The following CDH18 variants were observed in gnomAD, a reference collection of about 807,000 sequenced individuals.
CDH18 encodes cadherin 18, also known as cadherin-18.
In CDH18, 31 loss-of-function variants were observed where a neutral mutation model predicts 67.9. The ratio of observed to expected loss-of-function variants is 0.46; its 90% CI spans 0.34 to 0.62. The LOEUF (loss-of-function observed/expected upper bound fraction) is 0.62, where lower values mean the gene tolerates loss of function less well. Among genes scored for constraint, CDH18 ranks in the 20% least tolerant of loss-of-function variants. CDH18 has a pLI of 0.01. For missense variants in CDH18, 890 were observed against 975.5 expected, an observed-to-expected ratio of 0.91 and a Z score of 1.17; for synonymous variants, 362 against 347.2, an observed-to-expected ratio of 1.04 and a Z score of -0.48.
intron 2 of CDH18, among the ~76,000 whole-genome samples, chr5:20,195,695 T>G (rs960066119): frequency 1.3e-5 from 2 of 152,088 alleles, no homozygotes; most frequent in Non-Finnish European, 2.9e-5. Context: ...TGATATACTT[T>G]TAGATTTTGA....
chr5:20,208,848 A>G (rs1307775391), intron 2 of CDH18, among the ~76,000 whole-genome samples: 4 of 152,126 alleles, frequency 2.6e-5, no homozygotes, highest in African/African-American at 4.8e-5. Flanking sequence ...TAACCAGAAT[A>G]TATAAAGAAT....
At chr5:20,358,932 CTTTTTT>C (rs66786530) in intron 1 of CDH18, among the ~76,000 whole-genome samples, 1 of 128,180 alleles carries the variant, frequency 7.8e-6, no homozygotes, top group Non-Finnish European at 1.6e-5. Flanking sequence ...TTTTTTCTTT[CTTTTTT>C]TTTTTTTTTT....
intron 1 of CDH18, among the ~76,000 whole-genome samples, chr5:20,347,399 G>A (rs538569565): frequency 1.1e-4 from 17 of 152,214 alleles, no homozygotes; most frequent in East Asian, 5.8e-4. Flanking sequence ...TCCCTAAACC[G>A]CAATTAGGGT....
intron 2 of CDH18, among the ~76,000 whole-genome samples, chr5:20,124,308 G>T (rs1580297603): frequency 6.6e-6 from 1 of 152,296 alleles, no homozygotes; most frequent in South Asian, 2.1e-4. Flanking sequence ...ATATCTTCAA[G>T]ATGTCTGTTT....
At chr5:19,966,602 A>G (rs546155099) in intron 2 of CDH18, among the ~76,000 whole-genome samples, 47 of 152,192 alleles carry the variant, frequency 3.1e-4, no homozygotes, top group African/African-American at 1.0e-3. Context: ...AGAAAAAACA[A>G]TTATTTTTCT....
intron 2 of CDH18, among the ~76,000 whole-genome samples, chr5:20,174,938 T>C (rs950061873): frequency 5.3e-5 from 8 of 152,196 alleles, no homozygotes; most frequent in Non-Finnish European, 8.8e-5. Context: ...AATTAGGTTC[T>C]ATTTTTATAC....
At position 20,180,118 on chromosome 5, in the gene CDH18, C is replaced by A. The variant is rs144029994; in HGVS notation, c.-518+75326G>T. Among the ~76,000 whole-genome samples, 868 of 152,226 alleles carry A rather than the reference C, an allele frequency of 5.7e-3. 9 individuals carry two copies. The highest frequency in any genetic ancestry group is 0.02 in the African/African-American group (832 of 41,548). On this transcript the variant is annotated intron_variant, in intron 2 of 14. Coordinates refer to the CDH18 transcript ENST00000507958. ...ATGATGTGATTCCCCCTGCAGAGAG[C>A]CTATGAATGGACATGCAGTCAGGGA... is the stretch of plus-strand genomic sequence containing the variant.
intron 11 of CDH18, among the ~76,000 whole-genome samples, chr5:19,500,197 A>G (rs1213358758): frequency 6.6e-6 from 1 of 151,930 alleles, no homozygotes; most frequent in Non-Finnish European, 1.5e-5. Context: ...TTTTCATTTT[A>G]ATTGATCTCC....
chr5:20,356,747 C>CTATATATATATATA (rs1345155159), intron 1 of CDH18, among the ~76,000 whole-genome samples: 1 of 133,794 alleles, frequency 7.5e-6, no homozygotes, highest in African/African-American at 3.2e-5. Flanking sequence ...CTCTCTCTCT[C>CTATATATATATATA]TCTCTCTATA....
intron 3 of CDH18, among the ~76,000 whole-genome samples, chr5:19,792,816 C>A (rs1283034114): frequency 2.0e-5 from 3 of 152,088 alleles, no homozygotes; most frequent in Non-Finnish European, 4.4e-5. Flanking sequence ...TGCAGACCAA[C>A]ATTTTTTATA....
intron 10 of CDH18, among the ~76,000 whole-genome samples, chr5:19,515,145 C>T (rs1235123376): frequency 6.6e-6 from 1 of 152,042 alleles, no homozygotes; most frequent in East Asian, 1.9e-4. Context: ...TGTCAAAAAT[C>T]AGTTGGTTGT....
intron 2 of CDH18, among the ~76,000 whole-genome samples, chr5:19,896,066 AAAG>A (rs1364533897): frequency 1.3e-5 from 2 of 152,098 alleles, no homozygotes; most frequent in Non-Finnish European, 2.9e-5. Flanking sequence ...ATTTTAAAAT[AAAG>A]AGCTTGGTCG....
At chr5:19,505,669 C>A (rs570525479) in intron 10 of CDH18, among the ~76,000 whole-genome samples, 29 of 152,112 alleles carry the variant, frequency 1.9e-4, no homozygotes, top group Non-Finnish European at 4.0e-4. Flanking sequence ...GGATGAAGCT[C>A]ACTTGATCAT....
chr5:20,324,966 G>T (rs1292052015), intron 1 of CDH18, among the ~76,000 whole-genome samples: 2 of 152,054 alleles, frequency 1.3e-5, no homozygotes, highest in Non-Finnish European at 2.9e-5. Flanking sequence ...ATATTTGTAT[G>T]AGAATCATGA....
At position 19,837,276 on chromosome 5, in the gene CDH18, G is replaced by C. The variant is rs553425436; in HGVS notation, c.228+1483C>G. ...GCCTGTCTGGGGTTGGGGGCTAGGG[G>C]AGGAATAGCATTAGGAGAAATATCT... is the stretch of plus-strand genomic sequence containing the variant. On this transcript the variant is annotated intron_variant, in intron 3 of 12. Coordinates refer to ENST00000382275, the MANE Select transcript of CDH18 (RefSeq NM_004934.5). 3.9e-5 allele frequency among the ~76,000 whole-genome samples: 6 copies of C among 152,196 alleles called. No individual in the cohort carries two copies. In the South Asian group the frequency reaches 1.2e-3, roughly 32 times the overall value.
At chr5:19,626,172 G>A (rs1751509448) in intron 5 of CDH18, among the ~76,000 whole-genome samples, 1 of 152,004 alleles carries the variant, frequency 6.6e-6, no homozygotes, top group Admixed American at 6.5e-5. Context: ...CACCACTCAA[G>A]CGACAACACT....
chr5:20,262,882 T>C (rs1414265387), intron 1 of CDH18, among the ~76,000 whole-genome samples: 11 of 151,202 alleles, frequency 7.3e-5, no homozygotes, highest in African/African-American at 1.7e-4. Context: ...AGACTCATTA[T>C]ATTCTTCAAC....
At chr5:20,233,472 G>T (rs2126512496) in intron 2 of CDH18, among the ~76,000 whole-genome samples, 1 of 151,788 alleles carries the variant, frequency 6.6e-6, no homozygotes, top group East Asian at 1.9e-4. Flanking sequence ...CAGTCAGTTA[G>T]CACTATAAAT....
chr5:20,165,955 T>G (rs572998391), intron 2 of CDH18, among the ~76,000 whole-genome samples: 74 of 152,284 alleles, frequency 4.9e-4, no homozygotes, highest in African/African-American at 1.7e-3. Context: ...TCCATTTTTT[T>G]CTTGTTTTAA....
Sources: allele counts gnomAD v4.1 joint callset (sites outside exome capture counted in the v4.1 genomes callset), GRCh38; gene constraint gnomAD v4.1.1; transcripts MANE v1.5; gene names NCBI Gene and HGNC (gene_info 2026-07-23, HGNC 2026-07-21).